Variants in PDE4D observed in about 807,000 individuals in gnomAD.
The protein encoded by PDE4D is 3',5'-cyclic-AMP phosphodiesterase 4D.
In PDE4D, 24 loss-of-function variants were observed where a neutral mutation model predicts 87.4. The ratio of observed to expected loss-of-function variants is 0.27; its 90% CI spans 0.20 to 0.39. The LOEUF (loss-of-function observed/expected upper bound fraction) is 0.39, where lower values mean the gene tolerates loss of function less well. PDE4D is among the 10% of genes least tolerant of loss of function. The pLI is 1.00. For missense variants in PDE4D, 714 were observed against 1,041.0 expected (o/e 0.69, Z 4.32); for synonymous variants, 384 against 383.2 (o/e 1.00, Z -0.02).
intron 1 of PDE4D, chr5:59,592,250 C>T: frequency 1.8e-6 from 1 of 555,282 alleles, no homozygotes; most frequent in Non-Finnish European, 2.3e-6. Context: ...ATAGTCATGA[C>T]TTTCCACTCC....
In PDE4D at chr5:59,061,520, C is replaced by T. The variant is rs973751068; in HGVS notation, c.809-22549G>A. ...AGGCCCACCTCTATGTGTACATTGT[C>T]AGTGAGTCAGCCTCGTGGATGACTC... On this transcript the variant is annotated intron_variant, in intron 5 of 14. Coordinates refer to ENST00000340635, the MANE Select transcript of PDE4D (RefSeq NM_001104631.2). Among the ~76,000 whole-genome samples the T allele has an allele frequency of 2.6e-5, 4 of 152,068 alleles. No individual in the cohort carries two copies. The South Asian group carries it at 6.2e-4, about 24-fold the overall frequency.
chr5:59,767,182 A>C (rs935985033), intron 1 of PDE4D, among the ~76,000 whole-genome samples: 2 of 151,982 alleles, frequency 1.3e-5, no homozygotes, highest in African/African-American at 4.8e-5. Context: ...TAACGTACAT[A>C]CTGTTTAGTT....
intron 1 of PDE4D, among the ~76,000 whole-genome samples, chr5:59,279,003 G>A (rs919524022): frequency 6.6e-6 from 1 of 152,130 alleles, no homozygotes; most frequent in Non-Finnish European, 1.5e-5. Context: ...ACTGAATGAG[G>A]TGTTACGGAG....
At chr5:59,374,250 G>A (rs1050534828) in intron 1 of PDE4D, among the ~76,000 whole-genome samples, 7 of 152,130 alleles carry the variant, frequency 4.6e-5, no homozygotes, top group Admixed American at 1.3e-4. Context: ...ATAAAGAATC[G>A]AGACTCACTG....
intron 3 of PDE4D, among the ~76,000 whole-genome samples, chr5:59,954,550 A>G (rs2152806466): frequency 6.6e-6 from 1 of 152,306 alleles, no homozygotes; most frequent in East Asian, 1.9e-4. Flanking sequence ...CGTTATTATT[A>G]GAGATGGCAG....
chr5:59,719,318 A>G (rs562193074), intron 1 of PDE4D, among the ~76,000 whole-genome samples: 2 of 152,088 alleles, frequency 1.3e-5, no homozygotes, highest in Non-Finnish European at 2.9e-5. Flanking sequence ...GGAGTTGGGA[A>G]GAGATTTGTA....
At chr5:59,685,325 T>C (rs1473671924) in intron 1 of PDE4D, among the ~76,000 whole-genome samples, 1 of 152,208 alleles carries the variant, frequency 6.6e-6, no homozygotes. Context: ...GATCATTTCT[T>C]CCAGCTCTTC....
chr5:59,732,019 TGACA>T (rs1757427908), intron 1 of PDE4D, among the ~76,000 whole-genome samples: 1 of 152,208 alleles, frequency 6.6e-6, no homozygotes, highest in Non-Finnish European at 1.5e-5. Context: ...CTGCAAATGC[TGACA>T]GACTAAACAA....
intron 1 of PDE4D, among the ~76,000 whole-genome samples, chr5:59,677,961 C>A (rs1333950905): frequency 6.6e-6 from 1 of 152,200 alleles, no homozygotes; most frequent in East Asian, 1.9e-4. Flanking sequence ...AATCTCATTT[C>A]TCTTTGTATG....
intron 2 of PDE4D, 45 bp from the exon 3 acceptor site, chr5:59,193,581 T>C: frequency 6.2e-7 from 1 of 1,603,212 alleles, no homozygotes; most frequent in Admixed American, 1.8e-5. Context: ...TCAATAACTC[T>C]GTGCTCAGTG....
At chr5:59,148,532 A>T (rs954642971) in intron 5 of PDE4D, among the ~76,000 whole-genome samples, 2 of 152,174 alleles carry the variant, frequency 1.3e-5, no homozygotes, top group Admixed American at 6.5e-5. Flanking sequence ...TGAAATGATG[A>T]TGTAGAGAGA....
intron 1 of PDE4D, among the ~76,000 whole-genome samples, chr5:59,863,234 G>A (rs1308340103): frequency 6.6e-6 from 1 of 152,150 alleles, no homozygotes; most frequent in Non-Finnish European, 1.5e-5. Context: ...TCTAGTGTCT[G>A]TCTAGGTACT....
chr5:60,106,874 T>C (rs933817904), intron 2 of PDE4D, among the ~76,000 whole-genome samples: 23 of 149,720 alleles, frequency 1.5e-4, no homozygotes, highest in Admixed American at 2.7e-4. Flanking sequence ...TAGAGGGAAA[T>C]TTATAGCACT....
intron 1 of PDE4D, among the ~76,000 whole-genome samples, chr5:60,392,995 A>T (rs1168862964): frequency 6.6e-6 from 1 of 152,218 alleles, no homozygotes; most frequent in Non-Finnish European, 1.5e-5. Context: ...TTGCTTCTAC[A>T]GGGAGCCAGG....
At chr5:60,188,328 G>A (rs2962972) in intron 1 of PDE4D, 105,040 of 152,098 alleles carry the variant, frequency 0.69, 36,604 homozygotes, top group Middle Eastern at 0.72. Flanking sequence ...TTTCACCCTA[G>A]GAGGGATGGG....
chr5:60,521,377 C>T (rs977859606), intron 1 of PDE4D: 4 of 152,148 alleles, frequency 2.6e-5, no homozygotes, highest in Non-Finnish European at 5.9e-5. Flanking sequence ...ACAGACAATT[C>T]AATTGTCGAT....
intron 5 of PDE4D, among the ~76,000 whole-genome samples, chr5:59,049,481 T>C (rs1274559791): frequency 6.6e-6 from 1 of 152,182 alleles, no homozygotes; most frequent in Non-Finnish European, 1.5e-5. Context: ...AAGCAGATCA[T>C]GGTGTCTTAC....
At chr5:59,148,871 C>A (rs1779068162) in intron 5 of PDE4D, among the ~76,000 whole-genome samples, 1 of 151,792 alleles carries the variant, frequency 6.6e-6, no homozygotes, top group South Asian at 2.1e-4. Context: ...CTACCTTAAA[C>A]CCACATTTGA....
intron 2 of PDE4D, among the ~76,000 whole-genome samples, chr5:60,014,377 G>T (rs1765324570): frequency 6.6e-6 from 1 of 152,162 alleles, no homozygotes; most frequent in Admixed American, 6.5e-5. Context: ...CTCAGGACTT[G>T]CTGGCTTAGA....
Sources: gnomAD v4.1 joint callset for allele counts (sites outside exome capture counted in the v4.1 genomes callset) on GRCh38, gnomAD v4.1.1 for gene constraint, MANE v1.5 for transcripts, NCBI Gene and HGNC (gene_info 2026-07-23, HGNC 2026-07-21) for gene names.